Variants in VPS37A observed in about 807,000 individuals in gnomAD.
VPS37A encodes the protein vacuolar protein sorting-associated protein 37A.
Under a neutral mutation model 49.8 loss-of-function variants are expected in VPS37A, and 30 were observed. The ratio of observed to expected loss-of-function variants is 0.60; its 90% CI spans 0.45 to 0.82. The LOEUF is 0.82. Among genes scored for constraint, VPS37A ranks in the 40% least tolerant of loss-of-function variants. VPS37A has a pLI of 0.00. For missense variants in VPS37A, 593 were observed against 464.4 expected (o/e 1.28, Z -2.55); for synonymous variants, 195 against 160.6 (o/e 1.21, Z -1.62).
At chr8:17,253,666 A>AT (rs1812178229) in intron 1 of VPS37A, among the ~76,000 whole-genome samples, 1 of 151,988 alleles carries the variant, frequency 6.6e-6, no homozygotes, top group African/African-American at 2.4e-5. Flanking sequence ...CTCAGATATT[A>AT]TTTTTTCCAG....
downstream of VPS37A, among the ~76,000 whole-genome samples, chr8:17,306,476 G>A (rs11781369): frequency 0.09 from 13,610 of 151,818 alleles, 784 homozygotes; most frequent in Non-Finnish European, 0.13. Context: ...TTATTTCCAT[G>A]TGACGACAGA....
At chr8:17,279,214 C>T (rs1418702939) in intron 6 of VPS37A, among the ~76,000 whole-genome samples, 4 of 152,106 alleles carry the variant, frequency 2.6e-5, no homozygotes, top group Non-Finnish European at 5.9e-5. Context: ...ACATTATACA[C>T]TAGCAGAGAC....
chr8:17,266,058 A>C, intron 2 of VPS37A, 77 bp downstream of exon 2: 1 of 1,326,510 alleles, frequency 7.5e-7, no homozygotes, highest in South Asian at 1.3e-5. Flanking sequence ...TATTAGAAAT[A>C]AACTTTTAAG....
At chr8:17,273,595 T>C (rs1419602203) in intron 4 of VPS37A, among the ~76,000 whole-genome samples, 1 of 152,122 alleles carries the variant, frequency 6.6e-6, no homozygotes, top group African/African-American at 2.4e-5. Flanking sequence ...CTCGATCCCC[T>C]GACCTCATGA....
intron 11 of VPS37A, 75 bp downstream of exon 11, chr8:17,286,502 C>T (rs1815603548): frequency 3.1e-6 from 4 of 1,304,072 alleles, no homozygotes; most frequent in Non-Finnish European, 4.4e-6. Context: ...GTTAACGGTG[C>T]CTGTTCATCA....
At chr8:17,301,092 G>GTT (rs1488041949), downstream of VPS37A, among the ~76,000 whole-genome samples, 1 of 152,210 alleles carries the variant, frequency 6.6e-6, no homozygotes, top group Non-Finnish European at 1.5e-5. Flanking sequence ...CACAGGAGGT[G>GTT]TTATAAGATC....
In VPS37A at chr8:17,297,134, T is replaced by C. The variant is rs1816718507; in HGVS notation, c.*2148T>C. On this transcript the variant is annotated 3_prime_UTR_variant, in exon 12 of 12. Coordinates refer to ENST00000324849, the MANE Select transcript of VPS37A (RefSeq NM_152415.3). Reference sequence around the variant, plus strand: ...GGAAAAATGAAATGCATGTGAAAGTTTGTATTCTGATTTTACAAGATGAGA... The same window carrying C: ...GGAAAAATGAAATGCATGTGAAAGTCTGTATTCTGATTTTACAAGATGAGA... 3 of 152,298 alleles carry C rather than the reference T, an allele frequency of 2.0e-5. No individual in the cohort carries two copies. The South Asian group carries it at 6.2e-4, about 32-fold the overall frequency. 9.4% of individuals were successfully genotyped at this position (152,298 alleles called of 1,614,324 possible).
At chr8:17,293,278 G>C (rs537250279) in intron 11 of VPS37A, among the ~76,000 whole-genome samples, 1 of 151,410 alleles carries the variant, frequency 6.6e-6, no homozygotes, top group African/African-American at 2.4e-5. Context: ...TGAAGTTCTC[G>C]TGCTGTGTTT....
chr8:17,305,936 G>A (rs564262916), downstream of VPS37A: 4 of 1,613,154 alleles, frequency 2.5e-6, no homozygotes, highest in African/African-American at 4.0e-5. Context: ...TTTCTTTTGG[G>A]TCACCATCTA....
At position 17,265,955 on chromosome 8, in the gene VPS37A, A is replaced by C. The variant is rs368335033; in HGVS notation, c.174A>C (p.Ile58=). Residue 58 remains isoleucine (I), a synonymous_variant, in exon 2 of 12, where the codon ATA becomes ATC. Coordinates refer to ENST00000324849, the MANE Select transcript of VPS37A (RefSeq NM_152415.3). ...TGGAATACAGATTGCCATTCACCAT[A>C]AACAACCTGACAATTAACATTAATA... is the stretch of plus-strand genomic sequence containing the variant. ...KDVEYRLPFT[I]NNLTININIL... The C allele has an allele frequency of 6.2e-7, 1 of 1,613,002 alleles. No homozygotes were observed. Among genetic ancestry groups the C allele is most frequent in the African/African-American group, 1.3e-5 (1 of 74,904 alleles).
At chr8:17,284,723 C>T (rs1313077489) in intron 10 of VPS37A, 107 bp downstream of exon 10, 1 of 1,321,534 alleles carries the variant, frequency 7.6e-7, no homozygotes, top group Non-Finnish European at 1.0e-6. Context: ...GATATCATCC[C>T]CCTTTTTTTG....
At chr8:17,264,708 C>A (rs186884488) in intron 1 of VPS37A, among the ~76,000 whole-genome samples, 11 of 152,140 alleles carry the variant, frequency 7.2e-5, no homozygotes, top group Non-Finnish European at 1.0e-4. Context: ...AAAAGCAAAT[C>A]ATTAGTCATA....
the VPS37A span, among the ~76,000 whole-genome samples, chr8:17,314,717 C>G: frequency 1.3e-5 from 2 of 152,152 alleles, no homozygotes; most frequent in Non-Finnish European, 2.9e-5. Flanking sequence ...CTAAGAAAAA[C>G]ATATTATGAA....
At chr8:17,304,012 T>G (rs1430531775), downstream of VPS37A, among the ~76,000 whole-genome samples, 1 of 152,224 alleles carries the variant, frequency 6.6e-6, no homozygotes, top group East Asian at 1.9e-4. Context: ...AAACCACAAT[T>G]ATTTTTGCTC....
At chr8:17,311,955 C>A in the VPS37A span, 9 of 227,466 alleles carry the variant, frequency 4.0e-5, no homozygotes, top group Admixed American at 3.6e-4. Context: ...TGAGTTTCCA[C>A]ATTAAGCCTT....
At chr8:17,267,881 T>C (rs1371182404) in intron 2 of VPS37A, among the ~76,000 whole-genome samples, 7 of 152,200 alleles carry the variant, frequency 4.6e-5, no homozygotes, top group Non-Finnish European at 1.0e-4. Flanking sequence ...CTAGAACCTG[T>C]GGTCCAATAA....
At chr8:17,290,928 C>T (rs1442487666) in intron 11 of VPS37A, among the ~76,000 whole-genome samples, 4 of 152,146 alleles carry the variant, frequency 2.6e-5, no homozygotes, top group Non-Finnish European at 5.9e-5. Flanking sequence ...TTATCCATTT[C>T]TTCTAGATTT....
At chr8:17,274,389 C>T (rs1814300310) in intron 4 of VPS37A, among the ~76,000 whole-genome samples, 1 of 152,120 alleles carries the variant, frequency 6.6e-6, no homozygotes, top group Non-Finnish European at 1.5e-5. Flanking sequence ...CTCTGCATTC[C>T]CTCTATGGAG....
In VPS37A at chr8:17,274,200, T is replaced by C. The variant is rs1204350451; in HGVS notation, c.417-533T>C. Among the ~76,000 whole-genome samples the C allele has an allele frequency of 2.0e-5, 3 of 152,392 alleles. No homozygotes were observed. In the East Asian group the frequency reaches 5.8e-4, roughly 29 times the overall value. ...TACATAATGCTGTGTGACTCTAATA[T>C]ACATGCGTGTTTATATATGCATCTG... On this transcript the variant is annotated intron_variant, in intron 4 of 11. Transcript: ENST00000324849.
Sources: allele counts gnomAD v4.1 joint callset (sites outside exome capture counted in the v4.1 genomes callset), GRCh38; gene constraint gnomAD v4.1.1; transcripts MANE v1.5; gene names NCBI Gene and HGNC (gene_info 2026-07-23, HGNC 2026-07-21).